Variants in PIGK observed in about 807,000 individuals in gnomAD.
The protein encoded by PIGK is GPI-anchor transamidase.
A neutral mutation model predicts 50.6 loss-of-function variants in PIGK; 42 were observed. That is an observed-to-expected ratio of 0.83 (90% CI 0.65 to 1.07). The LOEUF (loss-of-function observed/expected upper bound fraction) is 1.07, where lower values mean the gene tolerates loss of function less well. Among genes scored for constraint, PIGK ranks in the 50% least tolerant of loss-of-function variants. The pLI is 0.00. For synonymous variants in PIGK, 151 were observed against 156.0 expected, an observed-to-expected ratio of 0.97 and a Z score of 0.24; for missense variants, 448 against 488.7, an observed-to-expected ratio of 0.92 and a Z score of 0.78.
intron 9 of PIGK, chr1:77,129,117 G>A (rs751625705): frequency 1.9e-6 from 2 of 1,039,528 alleles, no homozygotes; most frequent in Non-Finnish European, 3.0e-6. Flanking sequence ...TGTGAAAATG[G>A]TTCGCTACTC....
intron 8 of PIGK, among the ~76,000 whole-genome samples, chr1:77,158,853 G>C (rs890981652): frequency 2.6e-5 from 4 of 152,158 alleles, no homozygotes; most frequent in Non-Finnish European, 2.9e-5. Flanking sequence ...AAGGGAAGCA[G>C]AGCATAAAAG....
chr1:77,187,583 G>C (rs1024662354), intron 3 of PIGK, among the ~76,000 whole-genome samples: 5 of 152,192 alleles, frequency 3.3e-5, no homozygotes, highest in African/African-American at 1.2e-4. Flanking sequence ...GACTGACCCA[G>C]ACTATCAAGA....
At chr1:77,218,042 T>G (rs879282449) in intron 1 of PIGK, among the ~76,000 whole-genome samples, 5 of 152,188 alleles carry the variant, frequency 3.3e-5, no homozygotes, top group Non-Finnish European at 7.4e-5. Context: ...CAGTAATTCA[T>G]AAATATATAT....
chr1:77,115,623 C>G (rs1286489660), intron 10 of PIGK, among the ~76,000 whole-genome samples: 1 of 152,088 alleles, frequency 6.6e-6, no homozygotes, highest in East Asian at 1.9e-4. Context: ...ACTGTATGAA[C>G]TGGTTACACT....
intron 10 of PIGK, among the ~76,000 whole-genome samples, chr1:77,106,979 TTTC>T (rs368428987): frequency 0.11 from 17,111 of 152,034 alleles, 1,295 homozygotes; most frequent in African/African-American, 0.21. Context: ...TCTTCTCTCT[TTTC>T]TTCTTTATTA....
intron 10 of PIGK, among the ~76,000 whole-genome samples, chr1:77,098,553 C>T (rs1557790772): frequency 6.6e-6 from 1 of 152,044 alleles, no homozygotes; most frequent in African/African-American, 2.4e-5. Context: ...CCTGGCTGGT[C>T]TCAAACTCCT....
At chr1:77,106,514 T>G (rs1653681166) in intron 10 of PIGK, among the ~76,000 whole-genome samples, 1 of 152,168 alleles carries the variant, frequency 6.6e-6, no homozygotes, top group Admixed American at 6.5e-5. Context: ...TCACTTTCAG[T>G]CATGGTAATC....
At chr1:77,206,059 G>A (rs1038671177) in intron 3 of PIGK, among the ~76,000 whole-genome samples, 5 of 152,070 alleles carry the variant, frequency 3.3e-5, no homozygotes, top group African/African-American at 9.7e-5. Context: ...AGTTGGGACA[G>A]CAAAGTTCAA....
intron 9 of PIGK, among the ~76,000 whole-genome samples, chr1:77,152,694 C>CA (rs925115417): frequency 1.5e-4 from 23 of 149,692 alleles, no homozygotes; most frequent in South Asian, 4.2e-4. Flanking sequence ...AACAAAAAAA[C>CA]AAAAAAAATC....
At chr1:77,214,715 T>C (rs1479214103) in intron 1 of PIGK, among the ~76,000 whole-genome samples, 1 of 152,122 alleles carries the variant, frequency 6.6e-6, no homozygotes, top group Non-Finnish European at 1.5e-5. Flanking sequence ...CAAACTGTCC[T>C]TGTTCACAAA....
rs749973649 is a variant in PIGK at position 77,202,766 on chromosome 1, G to A, written c.239+3874C>T. ...TTTATAGAAACAATGCATCAGACAG[G>A]GATCACTACATAAACTCACATCCAC... is the stretch of plus-strand genomic sequence containing the variant. On this transcript the variant is annotated intron_variant, in intron 3 of 10. Coordinates refer to ENST00000370812, the MANE Select transcript of PIGK (RefSeq NM_005482.3). Among the ~76,000 whole-genome samples the A allele has an allele frequency of 1.9e-3, 288 of 152,198 alleles. 1 individual carries two copies. Among genetic ancestry groups the A allele is most frequent in the Admixed American group, 3.1e-3 (47 of 15,294 alleles).
intron 3 of PIGK, chr1:77,194,847 C>G: frequency 2.6e-6 from 1 of 385,516 alleles, no homozygotes; most frequent in South Asian, 2.1e-5. Flanking sequence ...AGATTCTGGG[C>G]ACTGAGAAAC....
intron 10 of PIGK, among the ~76,000 whole-genome samples, chr1:77,117,447 G>A (rs1052799381): frequency 3.3e-5 from 5 of 152,200 alleles, no homozygotes; most frequent in African/African-American, 1.2e-4. Flanking sequence ...TGGTATCTTC[G>A]GGGAGGAATT....
intron 10 of PIGK, among the ~76,000 whole-genome samples, chr1:77,110,575 G>A (rs948724790): frequency 6.6e-6 from 1 of 152,146 alleles, no homozygotes; most frequent in African/African-American, 2.4e-5. Context: ...AGCTGAAACT[G>A]GATCCCTTCC....
At chr1:77,195,414 G>T in intron 3 of PIGK, 1 of 1,060,500 alleles carries the variant, frequency 9.4e-7, no homozygotes, top group Non-Finnish European at 1.3e-6. Context: ...AGCTTAGGGT[G>T]CTCACTTCCT....
At chr1:77,111,567 T>C (rs1290527049) in intron 10 of PIGK, among the ~76,000 whole-genome samples, 3 of 135,544 alleles carry the variant, frequency 2.2e-5, no homozygotes, top group South Asian at 4.6e-4. Context: ...TGAGAACACT[T>C]GGACACAGGA....
At chr1:77,203,161 A>G (rs1191551529) in intron 3 of PIGK, among the ~76,000 whole-genome samples, 2 of 152,198 alleles carry the variant, frequency 1.3e-5, no homozygotes, top group African/African-American at 4.8e-5. Context: ...ATGAAAGACA[A>G]TACTAAACTG....
Position 77,154,559 on chromosome 1 carries a change from C to T in PIGK, c.876G>A (p.Gln292=), listed in dbSNP as rs746031536. The T allele has an allele frequency of 6.2e-7, 1 of 1,612,976 alleles. No homozygotes were observed. The highest frequency in any genetic ancestry group is 1.1e-5 in the South Asian group (1 of 91,042). Residue 292 remains glutamine, a synonymous_variant, in exon 9 of 11, where the codon CAG becomes CAA. Transcript: ENST00000370812. ...STPGHRTDLF[Q]RDPKNVLITD... is the part of the protein sequence containing the mutation. ...TTATCAGTACATTTTTAGGATCCCT[C>T]TGAAAAAGATCAGTGCGATGTCCAG...
At chr1:77,164,007 A>G in intron 5 of PIGK, 65 bp from the exon 6 acceptor site, 13 of 784,344 alleles carry the variant, frequency 1.7e-5, no homozygotes, top group Non-Finnish European at 2.8e-5. Flanking sequence ...CTAGATATAT[A>G]CATTTACTTC....
Sources: allele counts gnomAD v4.1 joint callset (sites outside exome capture counted in the v4.1 genomes callset), GRCh38; gene constraint gnomAD v4.1.1; transcripts MANE v1.5; gene names NCBI Gene and HGNC (gene_info 2026-07-23, HGNC 2026-07-21).